LAMA2: variants seen among roughly 807,000 people sequenced by gnomAD.
LAMA2 encodes laminin subunit alpha-2.
LAMA2 carries 269 observed loss-of-function variants against 364.8 expected under a neutral mutation model. The ratio of observed to expected loss-of-function variants is 0.74; its 90% confidence interval spans 0.67 to 0.82. The LOEUF (loss-of-function observed/expected upper bound fraction) is 0.82, where lower values mean the gene tolerates loss of function less well. Among genes scored for constraint, LAMA2 ranks in the 40% least tolerant of loss-of-function variants. LAMA2 has a pLI of 0.00. For synonymous variants in LAMA2, 1,379 were observed against 1,370.6 expected, an observed-to-expected ratio of 1.01 and a Z score of -0.14; for missense variants, 3,807 against 3,873.2, an observed-to-expected ratio of 0.98 and a Z score of 0.45.
chr6:128,949,048 A>G (rs1399915890), intron 1 of LAMA2, among the ~76,000 whole-genome samples: 3 of 152,216 alleles, frequency 2.0e-5, no homozygotes, highest in East Asian at 1.9e-4. Context: ...TAGGATAAAT[A>G]TGGTATGAAT....
rs2501469 is a variant in LAMA2, at chr6:129,339,863, C to T, written c.4312-2480C>T. ...ACTGAAAATACGAAAATTAACTGGG[C>T]ATGGTTACGCATGCCTGTAATCTCA... On this transcript the variant is annotated intron_variant, in intron 29 of 64. Transcript: ENST00000421865. 3.0e-3 allele frequency among the ~76,000 whole-genome samples: 451 copies of T among 152,116 alleles called. 1 individual carries two copies. The highest frequency in any genetic ancestry group is 0.01 in the African/African-American group (418 of 41,478).
At chr6:129,357,136 A>G (rs1202681898) in intron 32 of LAMA2, among the ~76,000 whole-genome samples, 1 of 152,104 alleles carries the variant, frequency 6.6e-6, no homozygotes, top group African/African-American at 2.4e-5. Flanking sequence ...AATGAGAACA[A>G]CTAACCTGCC....
At chr6:129,480,159 A>G (rs1157218744) in intron 54 of LAMA2, among the ~76,000 whole-genome samples, 3 of 152,210 alleles carry the variant, frequency 2.0e-5, no homozygotes, top group African/African-American at 2.4e-5. Context: ...TTTTATCTGA[A>G]CTATCTAAAA....
intron 48 of LAMA2, among the ~76,000 whole-genome samples, chr6:129,458,206 C>T (rs1783068233): frequency 6.6e-6 from 1 of 152,042 alleles, no homozygotes; most frequent in African/African-American, 2.4e-5. Context: ...TCTTGCTTCA[C>T]TGCCACAATG....
intron 32 of LAMA2, among the ~76,000 whole-genome samples, chr6:129,365,381 G>C (rs1777706176): frequency 6.6e-6 from 1 of 151,964 alleles, no homozygotes; most frequent in Admixed American, 6.6e-5. Context: ...TATTTTTTGG[G>C]GGGTGGAGTC....
chr6:129,446,836 A>G (rs1027260775), intron 45 of LAMA2, among the ~76,000 whole-genome samples: 3 of 152,196 alleles, frequency 2.0e-5, no homozygotes, highest in Admixed American at 6.5e-5. Context: ...ACTCCAAGAC[A>G]GTAAGTTCAA....
intron 64 of LAMA2, among the ~76,000 whole-genome samples, chr6:129,515,470 T>C (rs1032852793): frequency 2.6e-5 from 4 of 152,294 alleles, no homozygotes; most frequent in Middle Eastern, 3.4e-3. Context: ...CTCCATTCAG[T>C]CTATGATAAT....
intron 27 of LAMA2, among the ~76,000 whole-genome samples, chr6:129,317,425 A>G (rs1449391905): frequency 6.6e-6 from 1 of 152,200 alleles, no homozygotes; most frequent in Non-Finnish European, 1.5e-5. Flanking sequence ...TAAGCACACA[A>G]GACAGCAGAA....
At chr6:128,937,402 C>T (rs570197203) in intron 1 of LAMA2, among the ~76,000 whole-genome samples, 10 of 152,116 alleles carry the variant, frequency 6.6e-5, no homozygotes, top group African/African-American at 2.4e-4. Flanking sequence ...GTGTTCCCTC[C>T]AAGTGTCTGG....
chr6:129,353,077 G>T, intron 31 of LAMA2, 87 bp from the exon 32 acceptor site: 1 of 981,876 alleles, frequency 1.0e-6, no homozygotes, highest in Non-Finnish European at 1.5e-6. Context: ...TATCAGTTTT[G>T]TTGCATCAAA....
chr6:129,323,534 G>T (rs561811782), intron 28 of LAMA2, among the ~76,000 whole-genome samples: 1 of 151,904 alleles, frequency 6.6e-6, no homozygotes, highest in Non-Finnish European at 1.5e-5. Context: ...TTTGCAGAAG[G>T]GGCCAGATTA....
intron 30 of LAMA2, among the ~76,000 whole-genome samples, chr6:129,343,477 G>C (rs1022338236): frequency 6.6e-6 from 1 of 152,106 alleles, no homozygotes; most frequent in African/African-American, 2.4e-5. Flanking sequence ...AGGTAAGCTG[G>C]ATATTGAAGA....
chr6:129,392,911 A>G (rs150482390), intron 36 of LAMA2, 134 bp from the exon 37 acceptor site: 4 of 685,952 alleles, frequency 5.8e-6, no homozygotes, highest in African/African-American at 5.4e-5. Flanking sequence ...GCACACAGTG[A>G]ATCTATTTTA....
rs376935390 is a variant in LAMA2 at position 129,039,191 on chromosome 6, G to T, written c.113-10727G>T. ...CAACTAAGTAATATACGGACACCAA[G>T]AAAGAAACAGAAAATTCTGTGTGGC... On this transcript the variant is annotated intron_variant, in intron 1 of 64. Transcript: ENST00000421865. Among the ~76,000 whole-genome samples, 27 of 152,188 alleles carry T rather than the reference G, an allele frequency of 1.8e-4. No homozygotes were observed. In the East Asian group the frequency reaches 4.4e-3, roughly 25 times the overall value.
intron 1 of LAMA2, among the ~76,000 whole-genome samples, chr6:128,932,108 G>C (rs1486805130): frequency 6.6e-6 from 1 of 152,060 alleles, no homozygotes; most frequent in Non-Finnish European, 1.5e-5. Flanking sequence ...TATTTTTACT[G>C]TAAATGTAAT....
chr6:129,158,549 A>G, intron 8 of LAMA2: 2 of 1,614,088 alleles, frequency 1.2e-6, no homozygotes, highest in Non-Finnish European at 1.7e-6. Context: ...GTTCCAAATC[A>G]CGATTGTAAC....
In LAMA2 at chr6:129,007,133, A is replaced by G. The variant is rs59596900; in HGVS notation, c.113-42785A>G. Among the ~76,000 whole-genome samples, 963 of 152,246 alleles carry G rather than the reference A, an allele frequency of 6.3e-3. 10 individuals are homozygous for G. Among genetic ancestry groups the G allele is most frequent in the African/African-American group, 0.022 (907 of 41,534 alleles). Reference sequence around the variant, plus strand: ...GCTATGCAGAGGGCGTAGGGGAAGCAATCTGGTGAAACTGGGCCAAGGAGA... The same window carrying G: ...GCTATGCAGAGGGCGTAGGGGAAGCGATCTGGTGAAACTGGGCCAAGGAGA... On this transcript the variant is annotated intron_variant, in intron 1 of 64. Transcript: ENST00000421865.
intron 1 of LAMA2, among the ~76,000 whole-genome samples, chr6:128,961,341 ATATATATATATATATATATATATATATT>A (rs1459878333): frequency 3.9e-5 from 2 of 51,158 alleles, no homozygotes; most frequent in African/African-American, 1.8e-4. Flanking sequence ...ATATATATAT[ATATATATATATATATATATATATATATT>A]AGTTTATTAA....
Position 129,046,998 on chromosome 6 carries a change from T to A in LAMA2, c.113-2920T>A, listed in dbSNP as rs72618507. ...AATAGTTGTACCGTTAAATGCAAAA[T>A]GGTGATGAATGACAAAATAGAAAGA... is the stretch of plus-strand genomic sequence containing the variant. On this transcript the variant is annotated intron_variant, in intron 1 of 64. Transcript: ENST00000421865. Among the ~76,000 whole-genome samples, 545 of 152,270 alleles carry A rather than the reference T, an allele frequency of 3.6e-3. 22 individuals are homozygous for A. The East Asian group carries it at 0.085, about 24-fold the overall frequency.
Sources: gnomAD v4.1 joint callset for allele counts (sites outside exome capture counted in the v4.1 genomes callset) on GRCh38, gnomAD v4.1.1 for gene constraint, MANE v1.5 for transcripts, NCBI Gene and HGNC (gene_info 2026-07-23, HGNC 2026-07-21) for gene names.